Variants in ZNF610 observed in about 807,000 individuals in gnomAD.
ZNF610 encodes the protein zink finger protein.
A neutral mutation model predicts 14.1 loss-of-function variants in ZNF610; 14 were observed. That is an observed-to-expected ratio of 0.99 (90% CI 0.65 to 1.55). ZNF610 has a LOEUF of 1.55. Among genes scored for constraint, ZNF610 ranks in the 40% most tolerant of loss-of-function variants. ZNF610 has a pLI of 0.00. For missense variants in ZNF610, 530 were observed against 558.0 expected, an observed-to-expected ratio of 0.95 and a Z score of 0.51; for synonymous variants, 185 against 187.6, an observed-to-expected ratio of 0.99 and a Z score of 0.11.
At chr19:52,364,634 C>T (rs1442983692) in intron 5 of ZNF610, among the ~76,000 whole-genome samples, 2 of 152,224 alleles carry the variant, frequency 1.3e-5, no homozygotes, top group African/African-American at 4.8e-5. Context: ...GCGATCTTGG[C>T]TCACTGCAAC....
At chr19:52,331,454 G>A (rs370535567), upstream of ZNF610, among the ~76,000 whole-genome samples, 21 of 152,334 alleles carry the variant, frequency 1.4e-4, 1 homozygote, top group African/African-American at 4.6e-4. Context: ...TAAATCTAAT[G>A]TGGTGGCCTG....
intron 5 of ZNF610, among the ~76,000 whole-genome samples, chr19:52,361,240 G>A (rs895903965): frequency 6.6e-6 from 1 of 150,606 alleles, no homozygotes; most frequent in East Asian, 2.0e-4. Flanking sequence ...GTGCACTGGC[G>A]CGATCTCGGC....
At chr19:52,330,426 G>T in the ZNF610 span, 1 of 152,114 alleles carries the variant, frequency 6.6e-6, no homozygotes, top group Non-Finnish European at 1.5e-5. Flanking sequence ...TGAGATAAAG[G>T]TTTGTGATTC....
rs1986172276 is a variant in ZNF610 at position 52,367,593 on chromosome 19, A to C, written c.*826A>C. 1 of 83,078 alleles carries C rather than the reference A, an allele frequency of 1.2e-5. No individual in the cohort carries two copies. Among genetic ancestry groups the C allele is most frequent in the East Asian group, 2.6e-4 (1 of 3,854 alleles). 5.1% of individuals were successfully genotyped at this position (83,078 alleles called of 1,614,324 possible). A position where few individuals can be genotyped will look rare whatever the true frequency, so the allele number is the denominator to read the frequency against. On this transcript the variant is annotated 3_prime_UTR_variant, in exon 6 of 6. Coordinates refer to ENST00000403906, the MANE Select transcript of ZNF610 (RefSeq NM_001161425.2). ...GTATGTGTGTGAGACATAAAACAAC[A>C]TACGCTTCTGGGTGCAATATACTTA...
chr19:52,338,635 C>T (rs528023136), intron 1 of ZNF610, among the ~76,000 whole-genome samples: 25 of 152,020 alleles, frequency 1.6e-4, no homozygotes, highest in African/African-American at 3.4e-4. Context: ...GGGCCAAGAT[C>T]GCACCACTGC....
chr19:52,366,019 G>A lies in ZNF610; in HGVS notation c.641G>A (p.Arg214Lys). Reference sequence around the variant, plus strand: ...TGTAGTGAAGATGGTGAAGTTTTTAGAGTCCGTGCAAGCCTTACTAACCAT... The same window carrying A: ...TGTAGTGAAGATGGTGAAGTTTTTAAAGTCCGTGCAAGCCTTACTAACCAT... ...YECSEDGEVF[R>K]VRASLTNHQV... The change falls in exon 6 of 6, where the codon AGA (arginine) becomes AAA (lysine). Residue 214 changes from arginine (R) to lysine (K), a missense_variant. By Grantham distance (26) the Arg-to-Lys change is conservative. Transcript: ENST00000403906. The A allele has an allele frequency of 6.2e-7, 1 of 1,614,116 alleles. No homozygotes were observed. The highest frequency in any genetic ancestry group is 8.5e-7 in the Non-Finnish European group (1 of 1,180,022).
chr19:52,353,256 G>T (rs1382896417), intron 3 of ZNF610, among the ~76,000 whole-genome samples: 1 of 152,110 alleles, frequency 6.6e-6, no homozygotes, highest in Non-Finnish European at 1.5e-5. Context: ...TTAAATTAGT[G>T]TATAATATTC....
chr19:52,351,286 G>C (rs974532972), intron 3 of ZNF610, among the ~76,000 whole-genome samples: 6 of 151,836 alleles, frequency 4.0e-5, no homozygotes, highest in Non-Finnish European at 5.9e-5. Context: ...GTGAAACTCT[G>C]TCTCTACTAA....
At chr19:52,331,110 G>A in the ZNF610 span, among the ~76,000 whole-genome samples, 1 of 152,182 alleles carries the variant, frequency 6.6e-6, no homozygotes, top group African/African-American at 2.4e-5. Flanking sequence ...GGCAGGGAGA[G>A]AATGTGAGGA....
upstream of ZNF610, among the ~76,000 whole-genome samples, chr19:52,332,563 A>G (rs1162412989): frequency 6.6e-6 from 1 of 152,190 alleles, no homozygotes; most frequent in Non-Finnish European, 1.5e-5. This position sits in a 1 kb window ranked among gnomAD's most constrained non-coding sequence, Gnocchi z 4.1. Flanking sequence ...GAAGGAGGAT[A>G]AAAATTGGGC....
intron 1 of ZNF610, chr19:52,345,007 C>G (rs1479554877): frequency 6.6e-6 from 1 of 152,372 alleles, no homozygotes; most frequent in African/African-American, 2.4e-5. Flanking sequence ...GTCTTGAACT[C>G]CTGAGCTCAG....
chr19:52,349,340 C>G, intron 3 of ZNF610, 105 bp downstream of exon 3: 1 of 1,373,458 alleles, frequency 7.3e-7, no homozygotes. Context: ...TTCCCTCAGT[C>G]CCTTTCATCT....
At chr19:52,349,834 G>T (rs751545642) in intron 3 of ZNF610, among the ~76,000 whole-genome samples, 3 of 152,166 alleles carry the variant, frequency 2.0e-5, no homozygotes, top group Admixed American at 6.5e-5. Context: ...CTCCCAAAGT[G>T]CTGGGATTAT....
chr19:52,366,189 C>T lies in ZNF610; in HGVS notation c.811C>T (p.Arg271Cys), dbSNP rs151279337. The T allele has an allele frequency of 4.4e-4, 718 of 1,613,488 alleles. No individual in the cohort carries two copies. The highest frequency in any genetic ancestry group is 5.6e-4 in the Non-Finnish European group (661 of 1,179,702). Residue 271 changes from arginine to cysteine, a missense_variant, in exon 6 of 6, where the codon CGC (arginine) becomes TGC (cysteine). By Grantham distance (180) the Arg-to-Cys change is radical (BLOSUM62 -3). Transcript: ENST00000403906. Reference protein sequence around the residue: ...KCSECDKVFNRNSNLARHQRI... With the variant: ...KCSECDKVFNCNSNLARHQRI... ...TAGTGAATGTGACAAGGTGTTTAAT[C>T]GCAATTCAAACCTTGCACGACATCA...
In ZNF610 at chr19:52,365,775, C is replaced by A. The variant is rs1272313092; in HGVS notation, c.397C>A (p.Leu133Met). The A allele has an allele frequency of 6.2e-7, 1 of 1,614,048 alleles. No individual in the cohort carries two copies. The highest frequency in any genetic ancestry group is 2.2e-5 in the East Asian group (1 of 44,892). ...ACTTGGATTAACCCTTGAGGCACAT[C>A]TGTCTGAATTGCAGCTGTTTCAAGC... ...NQLGLTLEAH[L>M]SELQLFQAGR... The change falls in exon 6 of 6, where the codon CTG becomes ATG. Residue 133 changes from leucine (L) to methionine (M), a missense_variant. By Grantham distance (15) the Leu-to-Met change is conservative (BLOSUM62 2). Transcript: ENST00000403906.
At chr19:52,334,936 A>AACACACACACACACAC (rs559202600), upstream of ZNF610, among the ~76,000 whole-genome samples, 592 of 41,606 alleles carry the variant, frequency 0.014, 7 homozygotes, top group African/African-American at 0.044. Flanking sequence ...CTCAAAAACA[A>AACACACACACACACAC]ACACACACAC....
At chr19:52,359,803 A>AT (rs1985695105) in intron 5 of ZNF610, among the ~76,000 whole-genome samples, 1 of 151,942 alleles carries the variant, frequency 6.6e-6, no homozygotes, top group Non-Finnish European at 1.5e-5. Context: ...GGCTTCCCCC[A>AT]TTTCCCACCA....
chr19:52,359,512 T>C (rs777352118), intron 5 of ZNF610, among the ~76,000 whole-genome samples: 4 of 152,158 alleles, frequency 2.6e-5, no homozygotes, highest in Non-Finnish European at 4.4e-5. Flanking sequence ...TCTGCAGATA[T>C]AGAAACCACA....
chr19:52,361,429 G>A (rs1985769254), intron 5 of ZNF610, among the ~76,000 whole-genome samples: 4 of 151,788 alleles, frequency 2.6e-5, no homozygotes, highest in East Asian at 1.9e-4. Flanking sequence ...CACCCGCCTC[G>A]GCCTCCCAAA....
Sources: gnomAD v4.1 joint callset for allele counts (sites outside exome capture counted in the v4.1 genomes callset) on GRCh38, gnomAD v4.1.1 for gene constraint, Gnocchi (gnomAD v3.1) non-coding constraint, MANE v1.5 for transcripts, NCBI Gene and HGNC (gene_info 2026-07-23, HGNC 2026-07-21) for gene names.